SETMAR: variants seen among roughly 807,000 people sequenced by gnomAD.
SETMAR encodes histone-lysine N-methyltransferase SETMAR.
Under a neutral mutation model 58.4 loss-of-function variants are expected in SETMAR, and 44 were observed. The ratio of observed to expected loss-of-function variants is 0.75; its 90% CI spans 0.59 to 0.97. The LOEUF (loss-of-function observed/expected upper bound fraction) is 0.97, where lower values mean the gene tolerates loss of function less well. SETMAR is among the 50% of genes least tolerant of loss of function. The probability of loss-of-function intolerance (pLI) is 0.00; values close to 1 mark genes in which losing one functional copy is unlikely to be tolerated. For synonymous variants in SETMAR, 332 were observed against 307.4 expected (o/e 1.08, Z -0.84); for missense variants, 903 against 840.2 (o/e 1.07, Z -0.92).
At position 4,313,529 on chromosome 3, in the gene SETMAR, C is replaced by G; in HGVS notation, c.788C>G (p.Ser263Ter). The change falls in exon 2 of 3, where the codon TCA (serine) becomes TGA (stop). Residue 263 changes from serine to a stop codon, truncating the protein, a stop_gained. Transcript: ENST00000358065. LOFTEE classifies it high-confidence loss of function. ...GAAGAAGAACTCTCTTATGATTATT[C>G]AGGAAGATATCTTAATCTAACAGTC... ...VPEEELSYDY[S>*]GRYLNLTVSE... 1 of 1,613,950 alleles carries G rather than the reference C, an allele frequency of 6.2e-7. No individual in the cohort carries two copies. The highest frequency in any genetic ancestry group is 8.5e-7 in the Non-Finnish European group (1 of 1,179,922).
intron 2 of SETMAR, among the ~76,000 whole-genome samples, chr3:4,315,104 A>C (rs910943286): frequency 1.3e-5 from 2 of 152,196 alleles, no homozygotes; most frequent in Non-Finnish European, 2.9e-5. Flanking sequence ...ACTAGAGTAC[A>C]CATAAAATGC....
In SETMAR at chr3:4,316,438, A is replaced by T; in HGVS notation, c.1247A>T (p.Gln416Leu). The T allele has an allele frequency of 6.3e-7, 1 of 1,598,292 alleles. No homozygotes were observed. The highest frequency in any genetic ancestry group is 1.7e-4 in the Middle Eastern group (1 of 5,758). The change falls in exon 3 of 3, where the codon CAG (glutamine) becomes CTG (leucine). Residue 416 changes from glutamine to leucine, a missense_variant. Transcript: ENST00000358065. ...CGGCCATCAGAAGTTGACAACGACC[A>T]GTTGAGAGCAATCATCGAAGCTGAT... ...SGRPSEVDND[Q>L]LRAIIEADPL...
intron 1 of SETMAR, among the ~76,000 whole-genome samples, chr3:4,308,326 C>T (rs868679065): frequency 6.6e-6 from 1 of 152,224 alleles, no homozygotes; most frequent in Non-Finnish European, 1.5e-5. Flanking sequence ...TGAACACGTA[C>T]ATGCTAATCC....
intron 1 of SETMAR, among the ~76,000 whole-genome samples, chr3:4,311,920 T>C (rs1035870201): frequency 1.3e-5 from 2 of 152,226 alleles, no homozygotes; most frequent in South Asian, 2.1e-4. Context: ...TTTGAAAATA[T>C]GCTTCACGAT....
In SETMAR at chr3:4,313,650, T is replaced by C. The variant is rs1306352214; in HGVS notation, c.909T>C (p.Ser303=). 2 of 1,613,992 alleles carry C rather than the reference T, an allele frequency of 1.2e-6. No individual in the cohort carries two copies. The highest frequency in any genetic ancestry group is 2.7e-5 in the African/African-American group (2 of 74,938). The change falls in exon 2 of 3, where the codon TCT becomes TCC. Residue 303 remains serine (S), a synonymous_variant. Transcript: ENST00000358065. Reference sequence around the variant, plus strand: ...CTGCTTTCCTGCCTTTTGACAGTTCTCTGTACTGCCCCGTAGAAAAGTCGA... The same window carrying C: ...CTGCTTTCCTGCCTTTTGACAGTTCCCTGTACTGCCCCGTAGAAAAGTCGA... The part of the protein sequence containing the change: ...SCTAFLPFDS[S]LYCPVEKSNI...
Position 4,303,529 on chromosome 3 carries a change from A to G in SETMAR, c.156+3A>G, listed in dbSNP as rs1698039163. 2.1e-6 allele frequency: 3 copies of G among 1,413,270 alleles called. No individual in the cohort carries two copies. The highest frequency in any genetic ancestry group is 1.6e-5 in the South Asian group (1 of 61,516). The allele number at this position is 1,413,270 out of a possible 1,614,324, so 87.5% of individuals were successfully genotyped here. A position where few individuals can be genotyped will look rare whatever the true frequency, so the allele number is the denominator to read the frequency against. On this transcript the variant is annotated splice_donor_region_variant and intron_variant, in intron 1 of 2. Coordinates refer to ENST00000358065, the MANE Select transcript of SETMAR (RefSeq NM_006515.4). ...GGGCCGCGCCGGCGCCCTTCCAGGT[A>G]GGGGCGGGGCCAGGCGGCGCGGGAG... is the stretch of plus-strand genomic sequence containing the variant.
chr3:4,313,555 A>C lies in SETMAR; in HGVS notation c.814A>C (p.Ser272Arg). ...AGGAAGATATCTTAATCTAACAGTC[A>C]GTGAAGACAAAGAAAGGCTAGATCA... ...YSGRYLNLTV[S>R]EDKERLDHGK... Residue 272 changes from serine to arginine, a missense_variant, in exon 2 of 3, where the codon AGT (serine) becomes CGT (arginine). Transcript: ENST00000358065. The C allele has an allele frequency of 6.2e-7, 1 of 1,614,082 alleles. No individual in the cohort carries two copies. The highest frequency in any genetic ancestry group is 8.5e-7 in the Non-Finnish European group (1 of 1,179,964).
chr3:4,306,289 AAAT>A (rs1484323097), intron 1 of SETMAR, among the ~76,000 whole-genome samples: 1 of 152,206 alleles, frequency 6.6e-6, no homozygotes, highest in Non-Finnish European at 1.5e-5. Context: ...AATTATTTAA[AAAT>A]AAATTATATA....
rs1698674525 is a variant in SETMAR, at chr3:4,316,771, A to C, written c.1580A>C (p.His527Pro). Residue 527 changes from histidine (H) to proline (P), a missense_variant, in exon 3 of 3, where the codon CAC (histidine) becomes CCC (proline). Transcript: ENST00000358065. The stretch of plus-strand genomic sequence containing the variant: ...AAGCACTTCCCAAAGCCAATCTTGC[A>C]CCCAAAAAAGGTCATGGTCACTATT... ...APKHFPKPIL[H>P]PKKVMVTIWW... 6.4e-7 allele frequency: 1 copy of C among 1,550,796 alleles called. No individual in the cohort carries two copies. Among genetic ancestry groups the C allele is most frequent in the Non-Finnish European group, 8.7e-7 (1 of 1,146,744 alleles).
rs115195721 is a variant in SETMAR at position 4,316,792 on chromosome 3, C to T, written c.1601C>T (p.Thr534Ile). Reference protein sequence around the residue: ...PILHPKKVMVTIWWSAAGLIH... With the variant: ...PILHPKKVMVIIWWSAAGLIH... ...TTGCACCCAAAAAAGGTCATGGTCA[C>T]TATTTGGTGGTCTGCTGCTGGTCTG... Residue 534 changes from threonine (T) to isoleucine (I), a missense_variant, in exon 3 of 3, where the codon ACT (threonine) becomes ATT (isoleucine). Coordinates refer to ENST00000358065, the MANE Select transcript of SETMAR (RefSeq NM_006515.4). The T allele has an allele frequency of 0.024, 37,664 of 1,550,760 alleles. 582 individuals are homozygous for T. Among genetic ancestry groups the T allele is most frequent in the Non-Finnish European group, 0.029 (33,258 of 1,146,736 alleles).
At position 4,313,389 on chromosome 3, in the gene SETMAR, A is replaced by G; in HGVS notation, c.648A>G (p.Gly216=). The change falls in exon 2 of 3, where the codon GGA becomes GGG. Residue 216 remains glycine (G), a synonymous_variant. Transcript: ENST00000358065. ...METFVDPTYI[G]NIGRFLNHSC... is the part of the protein sequence containing the mutation. ...CATTTGTTGACCCTACTTATATAGG[A>G]AATATTGGAAGATTCCTTAATCATT... The G allele has an allele frequency of 1.2e-6, 2 of 1,613,956 alleles. No homozygotes were observed. Among genetic ancestry groups the G allele is most frequent in the Non-Finnish European group, 1.7e-6 (2 of 1,179,932 alleles).
intron 1 of SETMAR, chr3:4,304,036 C>T (rs993876047): frequency 1.3e-5 from 3 of 236,898 alleles, no homozygotes; most frequent in Admixed American, 5.9e-5. Flanking sequence ...TGGAACAGTA[C>T]CTCTCTTCCG....
chr3:4,316,204 TATTTTA>T lies in SETMAR; in HGVS notation c.1021-7_1021-2del. On this transcript the variant is annotated splice_acceptor_variant and splice_polypyrimidine_tract_variant and intron_variant, in intron 2 of 2. Transcript: ENST00000358065. LOFTEE classifies it high-confidence loss of function. Reference sequence around the variant, plus strand: ...TGACATCTTACTTGCTGTTTATGTTTATTTTAGACTATGAAAATGATGTTAGACAAA... The same window carrying T: ...TGACATCTTACTTGCTGTTTATGTTTGACTATGAAAATGATGTTAGACAAA... 1.5e-6 allele frequency: 1 copy of T among 683,864 alleles called. No homozygotes were observed. Among genetic ancestry groups the T allele is most frequent in the Non-Finnish European group, 2.6e-6 (1 of 377,812 alleles). 42.4% of individuals were successfully genotyped at this position (683,864 alleles called of 1,614,324 possible).
chr3:4,304,263 T>G (rs1698087896), intron 1 of SETMAR, among the ~76,000 whole-genome samples: 1 of 152,180 alleles, frequency 6.6e-6, no homozygotes, highest in Non-Finnish European at 1.5e-5. Flanking sequence ...TGCCTCAGCC[T>G]CCCGAGTAGC....
intron 1 of SETMAR, among the ~76,000 whole-genome samples, chr3:4,304,801 A>G (rs1698118641): frequency 6.6e-6 from 1 of 152,164 alleles, no homozygotes; most frequent in African/African-American, 2.4e-5. Context: ...TCTGAGCCAA[A>G]TATGAGTGAC....
intron 2 of SETMAR, among the ~76,000 whole-genome samples, chr3:4,315,658 G>C (rs1698607514): frequency 6.6e-6 from 1 of 152,088 alleles, no homozygotes; most frequent in Non-Finnish European, 1.5e-5. Flanking sequence ...TGAGAATGTT[G>C]ACACTTCTTT....
chr3:4,303,781 T>C (rs1169737183), intron 1 of SETMAR: 1 of 1,438,940 alleles, frequency 6.9e-7, no homozygotes, highest in Non-Finnish European at 9.3e-7. Flanking sequence ...TGTGAGAACC[T>C]GGCTTTTTGT....
At chr3:4,312,703 T>TAAAAAAAAAAAAA (rs375529794) in intron 1 of SETMAR, among the ~76,000 whole-genome samples, 195 bp from the exon 2 acceptor site, 1 of 135,890 alleles carries the variant, frequency 7.4e-6, no homozygotes, top group Admixed American at 7.4e-5. Flanking sequence ...CCCTGTCTCT[T>TAAAAAAAAAAAAA]AAAAAAAAAA....
In SETMAR at chr3:4,303,405, G is replaced by A; in HGVS notation, c.35G>A (p.Cys12Tyr). ...FAEAAKTTRP[C>Y]GMAEFKEKPE... ...GAAGCGGCAAAGACGACACGGCCTT[G>A]TGGGATGGCGGAGTTTAAGGAGAAG... is the stretch of plus-strand genomic sequence containing the variant. Residue 12 changes from cysteine (C) to tyrosine (Y), a missense_variant, in exon 1 of 3, where the codon TGT (cysteine) becomes TAT (tyrosine). Cys to Tyr is a radical substitution (Grantham distance 194). Coordinates refer to ENST00000358065, the MANE Select transcript of SETMAR (RefSeq NM_006515.4). The A allele has an allele frequency of 6.4e-7, 1 of 1,559,348 alleles. No individual in the cohort carries two copies. Among genetic ancestry groups the A allele is most frequent in the Non-Finnish European group, 8.6e-7 (1 of 1,156,984 alleles).
Sources: allele counts gnomAD v4.1 joint callset (sites outside exome capture counted in the v4.1 genomes callset), GRCh38; gene constraint gnomAD v4.1.1; transcripts MANE v1.5; gene names NCBI Gene and HGNC (gene_info 2026-07-23, HGNC 2026-07-21).